Variants in FBXO4 observed in about 807,000 individuals in gnomAD.
The protein encoded by FBXO4 is F-box protein 4.
FBXO4 carries 36 observed loss-of-function variants against 43.7 expected under a neutral mutation model. That is an observed-to-expected ratio of 0.82 (90% confidence interval 0.63 to 1.09). FBXO4 has a LOEUF of 1.09. Ranked by LOEUF, FBXO4 falls within the 50% of genes least tolerant of loss-of-function variation. The probability of loss-of-function intolerance (pLI) is 0.00; values close to 1 mark genes in which losing one functional copy is unlikely to be tolerated. For synonymous variants in FBXO4, 180 were observed against 165.6 expected (o/e 1.09, Z -0.67); for missense variants, 435 against 474.1 (o/e 0.92, Z 0.77).
chr5:41,973,584 G>C, the FBXO4 span, among the ~76,000 whole-genome samples: 1 of 152,190 alleles, frequency 6.6e-6, no homozygotes, highest in Non-Finnish European at 1.5e-5. Flanking sequence ...AGGAGGCTGA[G>C]TGGGGAAGAT....
chr5:42,022,337 A>G, the FBXO4 span, among the ~76,000 whole-genome samples: 1 of 152,154 alleles, frequency 6.6e-6, no homozygotes, highest in East Asian at 1.9e-4. Flanking sequence ...CAAATACCCT[A>G]AATGAATTGT....
the FBXO4 span, chr5:41,968,330 G>A: frequency 1.4e-3 from 217 of 154,900 alleles, 1 homozygote; most frequent in Middle Eastern, 9.9e-3. Context: ...TGGATCAGCC[G>A]GCGACCAACG....
the FBXO4 span, among the ~76,000 whole-genome samples, chr5:42,031,000 A>C: frequency 2.9e-3 from 447 of 152,334 alleles, 3 homozygotes; most frequent in African/African-American, 0.01. Context: ...ACACTTTTGC[A>C]CTGTTGGTGG....
intron 3 of FBXO4, among the ~76,000 whole-genome samples, chr5:41,932,304 G>A (rs1751710133): frequency 6.6e-6 from 1 of 152,226 alleles, no homozygotes; most frequent in Admixed American, 6.5e-5. Context: ...ATCTCTGGGA[G>A]TGCAGCTGAT....
the FBXO4 span, among the ~76,000 whole-genome samples, chr5:41,958,897 C>T: frequency 6.6e-6 from 1 of 152,098 alleles, no homozygotes; most frequent in Non-Finnish European, 1.5e-5. Flanking sequence ...GATTTCATAT[C>T]CTTTGGATAC....
chr5:41,947,910 C>G, the FBXO4 span, among the ~76,000 whole-genome samples: 1 of 151,966 alleles, frequency 6.6e-6, no homozygotes, highest in Non-Finnish European at 1.5e-5. Flanking sequence ...GTTGACTCAC[C>G]CAAGACGGTG....
At chr5:42,003,893 A>T in the FBXO4 span, among the ~76,000 whole-genome samples, 2 of 152,198 alleles carry the variant, frequency 1.3e-5, no homozygotes, top group Non-Finnish European at 2.9e-5. Context: ...CCAAAGAATT[A>T]TAAATCATGC....
chr5:41,981,699 C>A, the FBXO4 span, among the ~76,000 whole-genome samples: 245 of 150,312 alleles, frequency 1.6e-3, 9 homozygotes, highest in East Asian at 0.044. Flanking sequence ...TGTTAGGTGT[C>A]CTCTAATTTC....
chr5:41,934,842 A>G (rs1751808042), intron 5 of FBXO4: 2 of 988,170 alleles, frequency 2.0e-6, no homozygotes, highest in Admixed American at 5.8e-5. Flanking sequence ...TCAGAATGCT[A>G]TTTTTGTGTG....
the FBXO4 span, among the ~76,000 whole-genome samples, chr5:42,016,944 G>A: frequency 6.6e-6 from 1 of 151,948 alleles, no homozygotes; most frequent in African/African-American, 2.4e-5. Context: ...ATTACTTGTA[G>A]CCAAAAGTAT....
chr5:41,977,629 G>C, the FBXO4 span, among the ~76,000 whole-genome samples: 1 of 152,046 alleles, frequency 6.6e-6, no homozygotes, highest in African/African-American at 2.4e-5. Context: ...GACCTCCTTA[G>C]CCTGGCCTTC....
the FBXO4 span, among the ~76,000 whole-genome samples, chr5:41,993,238 T>C: frequency 2.0e-5 from 3 of 152,294 alleles, no homozygotes; most frequent in East Asian, 1.9e-4. Flanking sequence ...TATTTTCTTA[T>C]AGAGCTGTGT....
At chr5:41,994,477 G>A in the FBXO4 span, among the ~76,000 whole-genome samples, 274 of 152,298 alleles carry the variant, frequency 1.8e-3, 3 homozygotes, top group African/African-American at 5.6e-3. Flanking sequence ...TCAGCAGGTC[G>A]TGGTTTTTTT....
chr5:41,954,988 T>A, the FBXO4 span, among the ~76,000 whole-genome samples: 1 of 151,886 alleles, frequency 6.6e-6, no homozygotes, highest in South Asian at 2.1e-4. Context: ...TCTAAAAGAG[T>A]TTTTAGTTGC....
the FBXO4 span, among the ~76,000 whole-genome samples, chr5:41,996,322 T>C: frequency 6.6e-6 from 1 of 152,138 alleles, no homozygotes; most frequent in Non-Finnish European, 1.5e-5. Context: ...TGATGATCCA[T>C]AGTCAAACGT....
chr5:41,965,945 C>T, the FBXO4 span, among the ~76,000 whole-genome samples: 5 of 152,178 alleles, frequency 3.3e-5, no homozygotes, highest in Non-Finnish European at 5.9e-5. Context: ...GTGGGACATA[C>T]ACCATGGAAT....
chr5:42,021,103 A>C, the FBXO4 span, among the ~76,000 whole-genome samples: 52 of 152,276 alleles, frequency 3.4e-4, no homozygotes, highest in African/African-American at 1.2e-3. Flanking sequence ...GTGGAGTATA[A>C]GAGTTTTTAA....
At chr5:41,954,370 C>A in the FBXO4 span, among the ~76,000 whole-genome samples, 1 of 152,130 alleles carries the variant, frequency 6.6e-6, no homozygotes, top group Non-Finnish European at 1.5e-5. Flanking sequence ...AATAACAATT[C>A]TATTAGGAAT....
the FBXO4 span, among the ~76,000 whole-genome samples, chr5:41,970,499 A>C: frequency 6.6e-6 from 1 of 151,998 alleles, no homozygotes; most frequent in South Asian, 2.1e-4. Context: ...ATATTATTAG[A>C]TTAAGAGGAA....
Sources: gnomAD v4.1 joint callset for allele counts (sites outside exome capture counted in the v4.1 genomes callset) on GRCh38, gnomAD v4.1.1 for gene constraint, MANE v1.5 for transcripts, NCBI Gene and HGNC (gene_info 2026-07-23, HGNC 2026-07-21) for gene names.